Variants in STXBP5L observed in about 807,000 individuals in gnomAD.
STXBP5L encodes syntaxin-binding protein 5-like.
A neutral mutation model predicts 144.5 loss-of-function variants in STXBP5L; 65 were observed. The observed-to-expected ratio is 0.45, with a 90% CI of 0.37 to 0.55. The LOEUF (loss-of-function observed/expected upper bound fraction) is 0.55. Ranked by LOEUF, STXBP5L falls within the 20% of genes least tolerant of loss-of-function variation. The probability of loss-of-function intolerance (pLI) is 0.00; values close to 1 mark genes in which losing one functional copy is unlikely to be tolerated. For missense variants in STXBP5L, 1,298 were observed against 1,405.5 expected, an observed-to-expected ratio of 0.92 and a Z score of 1.22; for synonymous variants, 505 against 469.6, an observed-to-expected ratio of 1.08 and a Z score of -0.97.
intron 3 of STXBP5L, among the ~76,000 whole-genome samples, chr3:120,993,727 G>A (rs934902375): frequency 1.8e-4 from 27 of 152,184 alleles, no homozygotes; most frequent in African/African-American, 6.0e-4. Flanking sequence ...TTGACATCAG[G>A]TAGTGTGATG....
intron 3 of STXBP5L, among the ~76,000 whole-genome samples, chr3:121,003,733 G>GGAAGGGATTGTATAATTTT (rs1315298073): frequency 1.3e-5 from 2 of 152,226 alleles, no homozygotes; most frequent in African/African-American, 4.8e-5. Context: ...TTTTGTATAA[G>GGAAGGGATTGTATAATTTT]GTGTAAGGAA....
intron 19 of STXBP5L, among the ~76,000 whole-genome samples, chr3:121,296,074 A>T (rs2051637606): frequency 6.6e-6 from 1 of 152,152 alleles, no homozygotes; most frequent in Non-Finnish European, 1.5e-5. Flanking sequence ...TCAATTGTTT[A>T]TTTACCATAA....
chr3:121,250,771 T>C lies in STXBP5L; in HGVS notation c.1441+8T>C, dbSNP rs761888592. 6 of 1,609,880 alleles carry C rather than the reference T, an allele frequency of 3.7e-6. No homozygotes were observed. The East Asian group carries it at 6.7e-5, about 18-fold the overall frequency. On this transcript the variant is annotated splice_region_variant and intron_variant, in intron 15 of 26. Transcript: ENST00000471454. ...TTTGGGATGCTTCTGCAAGTAAGTT[T>C]CAAGTTTCTGTACAACAGAAACCAA...
intron 7 of STXBP5L, among the ~76,000 whole-genome samples, chr3:121,151,408 A>T (rs902718264): frequency 6.6e-6 from 1 of 152,046 alleles, no homozygotes; most frequent in Non-Finnish European, 1.5e-5. Flanking sequence ...TAATGAACTG[A>T]TATTTGAAAC....
intron 3 of STXBP5L, among the ~76,000 whole-genome samples, chr3:121,011,598 G>A (rs1251693657): frequency 6.6e-6 from 1 of 151,354 alleles, no homozygotes; most frequent in Non-Finnish European, 1.5e-5. Context: ...TTAGAATGCT[G>A]TAACAAAGTC....
chr3:120,991,779 G>A (rs1056386158), intron 3 of STXBP5L, among the ~76,000 whole-genome samples: 1 of 151,598 alleles, frequency 6.6e-6, no homozygotes, highest in African/African-American at 2.4e-5. Flanking sequence ...CATGGACACA[G>A]GGTGGCAAAC....
At chr3:120,984,807 A>T (rs529173859) in intron 3 of STXBP5L, among the ~76,000 whole-genome samples, 84 of 151,988 alleles carry the variant, frequency 5.5e-4, no homozygotes, top group Middle Eastern at 3.4e-3. Flanking sequence ...GGTTATTCAC[A>T]TATAGCCTTT....
At chr3:121,018,042 G>A (rs577606498) in intron 3 of STXBP5L, among the ~76,000 whole-genome samples, 1 of 152,174 alleles carries the variant, frequency 6.6e-6, no homozygotes, top group Non-Finnish European at 1.5e-5. Flanking sequence ...TCACGCCACT[G>A]CACTCCAGCC....
At chr3:121,294,275 A>G (rs556172845) in intron 19 of STXBP5L, among the ~76,000 whole-genome samples, 1 of 152,376 alleles carries the variant, frequency 6.6e-6, no homozygotes, top group South Asian at 2.1e-4. Context: ...TTACAGAGCT[A>G]CTGATTATCA....
intron 5 of STXBP5L, among the ~76,000 whole-genome samples, chr3:121,071,241 A>G (rs1401648840): frequency 6.6e-6 from 1 of 152,264 alleles, no homozygotes; most frequent in Admixed American, 6.5e-5. Flanking sequence ...ATAACATGAC[A>G]GCAAAATAAT....
At chr3:121,363,016 T>C (rs1431707276) in intron 20 of STXBP5L, among the ~76,000 whole-genome samples, 1 of 152,096 alleles carries the variant, frequency 6.6e-6, no homozygotes, top group Non-Finnish European at 1.5e-5. Context: ...CCAGGTGATG[T>C]TAAGAAATTT....
At chr3:121,001,752 C>G (rs1365268865) in intron 3 of STXBP5L, among the ~76,000 whole-genome samples, 1 of 152,212 alleles carries the variant, frequency 6.6e-6, no homozygotes, top group Non-Finnish European at 1.5e-5. Flanking sequence ...CCCTTCAGCG[C>G]AGATTCTGCA....
intron 5 of STXBP5L, among the ~76,000 whole-genome samples, chr3:121,091,236 C>T (rs1190362953): frequency 6.8e-6 from 1 of 146,964 alleles, no homozygotes; most frequent in Non-Finnish European, 1.5e-5. Flanking sequence ...CCACAATAAG[C>T]ATACATGTGC....
At chr3:121,336,627 A>G (rs1300859298) in intron 20 of STXBP5L, among the ~76,000 whole-genome samples, 1 of 152,176 alleles carries the variant, frequency 6.6e-6, no homozygotes, top group African/African-American at 2.4e-5. Flanking sequence ...GCAAGGTTGC[A>G]GAGAAAAGGG....
chr3:121,053,608 A>G (rs890139606), intron 5 of STXBP5L, among the ~76,000 whole-genome samples: 2 of 152,204 alleles, frequency 1.3e-5, no homozygotes, highest in African/African-American at 4.8e-5. Context: ...TAAAGACTTA[A>G]ATGTTAGACC....
At chr3:121,357,778 C>G (rs763088612) in intron 20 of STXBP5L, 1 of 152,132 alleles carries the variant, frequency 6.6e-6, no homozygotes, top group African/African-American at 2.4e-5. Flanking sequence ...AGTCTCCAAA[C>G]TAGATATTCC....
chr3:120,979,052 C>G (rs1047701642), intron 3 of STXBP5L, among the ~76,000 whole-genome samples: 1 of 152,138 alleles, frequency 6.6e-6, no homozygotes, highest in Non-Finnish European at 1.5e-5. Context: ...GCTGCATGCT[C>G]GGAGAACCAC....
At chr3:120,937,956 G>C (rs531035496) in intron 2 of STXBP5L, among the ~76,000 whole-genome samples, 12 of 152,026 alleles carry the variant, frequency 7.9e-5, no homozygotes, top group African/African-American at 2.7e-4. Flanking sequence ...TTTTAAAATT[G>C]AGAAGTGTTT....
intron 22 of STXBP5L, among the ~76,000 whole-genome samples, chr3:121,390,953 T>A (rs1284736942): frequency 6.6e-6 from 1 of 152,232 alleles, no homozygotes; most frequent in Non-Finnish European, 1.5e-5. Context: ...GGGGAAGTTC[T>A]CCTGGATAAT....
Sources: gnomAD v4.1 joint callset for allele counts (sites outside exome capture counted in the v4.1 genomes callset) on GRCh38, gnomAD v4.1.1 for gene constraint, MANE v1.5 for transcripts, NCBI Gene and HGNC (gene_info 2026-07-23, HGNC 2026-07-21) for gene names.